MYO15B: variants seen among roughly 807,000 people sequenced by gnomAD.
The protein encoded by MYO15B is myosin XVB, also known as myosin XVB pseudogene.
MYO15B carries 207 observed loss-of-function variants against 119.3 expected under a neutral mutation model. That is an observed-to-expected ratio of 1.73 (90% CI 1.55 to 1.95). The LOEUF (loss-of-function observed/expected upper bound fraction) is 1.95, where lower values mean the gene tolerates loss of function less well. Among genes scored for constraint, MYO15B ranks in the 30% most tolerant of loss-of-function variants. The pLI, the probability that MYO15B is intolerant of heterozygous loss-of-function variation, is 0.00. For synonymous variants in MYO15B, 966 were observed against 498.9 expected (o/e 1.94, Z -12.48); for missense variants, 2,264 against 1,203.1 (o/e 1.88, Z -13.04).
intron 21 of MYO15B, among the ~76,000 whole-genome samples, chr17:75,609,296 C>T (rs1345799053): frequency 1.3e-5 from 2 of 151,650 alleles, no homozygotes; most frequent in Non-Finnish European, 2.9e-5. Flanking sequence ...CTCAGCCTCC[C>T]AAGTAGCTAG....
At position 75,589,631 on chromosome 17, in the gene MYO15B, G is replaced by A; in HGVS notation, c.1574G>A (p.Ser525Asn). The A allele has an allele frequency of 5.0e-6, 2 of 399,036 alleles. No homozygotes were observed. Among genetic ancestry groups the A allele is most frequent in the Non-Finnish European group, 8.8e-6 (2 of 226,132 alleles). 24.7% of individuals were successfully genotyped at this position (399,036 alleles called of 1,614,324 possible). ...GGCCGCTCCCCGCAGGTCCCGACAA[G>A]CCCAGTCCCCGGCGACCCTTTTGAT... Residue 525 changes from serine (S) to asparagine (N), a missense_variant, in exon 1 of 64, where the codon AGC becomes AAC. Coordinates refer to ENST00000645453, the Ensembl canonical transcript of MYO15B. This position sits in a 1 kb window ranked among gnomAD's most constrained non-coding sequence, Gnocchi z 4.2.
intron 14 of MYO15B, among the ~76,000 whole-genome samples, chr17:75,601,105 A>G (rs1174392108): frequency 6.6e-6 from 1 of 151,004 alleles, no homozygotes; most frequent in Non-Finnish European, 1.5e-5. Flanking sequence ...GGATTTCACT[A>G]TGTTGGCCAG....
chr17:75,604,025 T>C (rs1453108653), intron 19 of MYO15B, among the ~76,000 whole-genome samples: 2 of 152,182 alleles, frequency 1.3e-5, no homozygotes, highest in East Asian at 3.9e-4. Context: ...CCCAGGGCTC[T>C]GTGGACCTCC....
At chr17:75,594,570 T>C in exon 10 of MYO15B, 1 of 656,786 alleles carries the variant, frequency 1.5e-6, no homozygotes, top group Non-Finnish European at 2.8e-6. Flanking sequence ...TGGAGGGGGC[T>C]GTCACCAGGA....
chr17:75,599,377 C>G (rs1005287487), intron 14 of MYO15B, among the ~76,000 whole-genome samples: 1 of 152,050 alleles, frequency 6.6e-6, no homozygotes, highest in African/African-American at 2.4e-5. Context: ...CGGGTTGACG[C>G]CATTCTACTG....
chr17:75,604,281 G>C (rs1449988278), intron 19 of MYO15B, among the ~76,000 whole-genome samples: 2 of 152,118 alleles, frequency 1.3e-5, no homozygotes, highest in African/African-American at 2.4e-5. Context: ...CACAGACCAG[G>C]TCTGCTGATC....
chr17:75,605,121 G>C (rs1176088066), intron 19 of MYO15B, among the ~76,000 whole-genome samples: 1 of 148,286 alleles, frequency 6.7e-6, no homozygotes, highest in Non-Finnish European at 1.5e-5. Flanking sequence ...TGGACAATGA[G>C]AATGAAACTC....
chr17:75,611,909 A>T, exon 25 of MYO15B: 1 of 702,800 alleles, frequency 1.4e-6, no homozygotes, highest in South Asian at 1.5e-5. Context: ...CCTGGCTGGG[A>T]GCATCACCGA....
chr17:75,621,232 A>C (rs1019648626), intron 50 of MYO15B, 56 bp downstream of exon 50: 7 of 661,290 alleles, frequency 1.1e-5, no homozygotes, highest in Admixed American at 4.2e-5. Flanking sequence ...CCTGAGAGAG[A>C]GCACCCTGCT....
At chr17:75,623,475 C>T (rs2058823968) in intron 53 of MYO15B, among the ~76,000 whole-genome samples, 1 of 152,148 alleles carries the variant, frequency 6.6e-6, no homozygotes, top group African/African-American at 2.4e-5. Flanking sequence ...GCTAAAAATA[C>T]AAAAGTTAGC....
exon 40 of MYO15B, chr17:75,616,914 G>A (rs1598885248): frequency 5.7e-6 from 4 of 702,986 alleles, no homozygotes; most frequent in South Asian, 3.0e-5. Flanking sequence ...CCCCAAGGAC[G>A]AGGCTCTGGC....
chr17:75,612,096 T>TC (rs1261487116), intron 25 of MYO15B, 80 bp downstream of exon 25: 10 of 670,470 alleles, frequency 1.5e-5, no homozygotes, highest in Middle Eastern at 2.4e-4. Context: ...TGCGTTTTTT[T>TC]CCCCGCTGTC....
At chr17:75,601,916 G>A (rs1191942496) in intron 15 of MYO15B, among the ~76,000 whole-genome samples, 1 of 152,214 alleles carries the variant, frequency 6.6e-6, no homozygotes. Context: ...AGGGTGAGAT[G>A]TAGTAACGTG....
intron 53 of MYO15B, among the ~76,000 whole-genome samples, chr17:75,622,338 G>A (rs1598924777): frequency 6.6e-6 from 1 of 152,230 alleles, no homozygotes; most frequent in African/African-American, 2.4e-5. Context: ...AGTGGAGAAG[G>A]CTTTGTGGCA....
At chr17:75,619,171 G>C (rs1285994092) in exon 44 of MYO15B, 8 of 702,786 alleles carry the variant, frequency 1.1e-5, no homozygotes, top group Non-Finnish European at 1.8e-5. Context: ...TCCGAGTCCT[G>C]TATCCGGATT....
rs143641784 is a variant in MYO15B at position 75,605,637 on chromosome 17, C to T, written c.4134+16C>T. ...AGCCACCAAGGTGGGTGTGTGTATC[C>T]CTGTGTGCAGAGGGCAGCATGAATG... is the stretch of plus-strand genomic sequence containing the variant. On this transcript the variant is annotated intron_variant, in intron 20 of 63. Coordinates refer to ENST00000645453, the Ensembl canonical transcript of MYO15B. 14 of 702,890 alleles carry T rather than the reference C, an allele frequency of 2.0e-5. No homozygotes were observed. Among genetic ancestry groups the T allele is most frequent in the Non-Finnish European group, 2.9e-5 (11 of 384,972 alleles). 43.5% of individuals were successfully genotyped at this position (702,890 alleles called of 1,614,324 possible).
At position 75,592,235 on chromosome 17, in the gene MYO15B, C is replaced by G; in HGVS notation, c.2652-3C>G. ...CACTCACACCCATCTTCTGTGCCCA[C>G]AGAGGGGTCATCGTGGGAGCCTCTG... On this transcript the variant is annotated splice_region_variant and splice_polypyrimidine_tract_variant and intron_variant, in intron 6 of 63. Transcript: ENST00000645453. 1.4e-6 allele frequency: 1 copy of G among 702,854 alleles called. No homozygotes were observed. Among genetic ancestry groups the G allele is most frequent in the South Asian group, 1.5e-5 (1 of 67,604 alleles). The allele number at this position is 702,854 out of a possible 1,614,324, so 43.5% of individuals were successfully genotyped here. A position where few individuals can be genotyped will look rare whatever the true frequency, so the allele number is the denominator to read the frequency against.
chr17:75,616,247 C>T (rs968181399), intron 37 of MYO15B, 65 bp from the exon 38 acceptor site: 21 of 590,188 alleles, frequency 3.6e-5, no homozygotes, highest in Non-Finnish European at 5.1e-5. Flanking sequence ...GGAGTTGGTG[C>T]GGCCCATCCA....
intron 48 of MYO15B, 46 bp from the exon 49 acceptor site, chr17:75,620,421 G>A: frequency 1.4e-6 from 1 of 702,664 alleles, no homozygotes; most frequent in Non-Finnish European, 2.6e-6. Context: ...GGCTGCCCGG[G>A]GGCAGAGGGT....
Sources: gnomAD v4.1 joint callset for allele counts (sites outside exome capture counted in the v4.1 genomes callset) on GRCh38, gnomAD v4.1.1 for gene constraint, Gnocchi (gnomAD v3.1) non-coding constraint, MANE v1.5 for transcripts, NCBI Gene and HGNC (gene_info 2026-07-23, HGNC 2026-07-21) for gene names.